SLC47A2: variants seen among roughly 807,000 people sequenced by gnomAD.
The protein encoded by SLC47A2 is solute carrier family 47 member 2, also known as multidrug and toxin extrusion protein 2.
A neutral mutation model predicts 67.7 loss-of-function variants in SLC47A2; 52 were observed. That is an observed-to-expected ratio of 0.77 (90% CI 0.61 to 0.97). The LOEUF is 0.97. SLC47A2 is among the 50% of genes least tolerant of loss of function. The pLI is 0.00. For missense variants in SLC47A2, 676 were observed against 712.3 expected, an observed-to-expected ratio of 0.95 and a Z score of 0.58; for synonymous variants, 278 against 292.9, an observed-to-expected ratio of 0.95 and a Z score of 0.52.
At chr17:19,704,702 G>A in intron 10 of SLC47A2, 1 of 1,549,630 alleles carries the variant, frequency 6.5e-7, no homozygotes, top group Non-Finnish European at 8.7e-7. Flanking sequence ...TCTCTGTGGG[G>A]AGTAGAGGGG....
In SLC47A2 at chr17:19,696,267, A is replaced by G. The variant is rs1482849883; in HGVS notation, c.1164+6338T>C. Among the ~76,000 whole-genome samples the G allele has an allele frequency of 2.1e-5, 3 of 146,312 alleles. No individual in the cohort carries two copies. In the Admixed American group the frequency reaches 2.1e-4, roughly 10 times the overall value. On this transcript the variant is annotated intron_variant, in intron 13 of 16. Transcript: ENST00000433844. ...GGAGATCAAGACCATCCTGGCCAACATGGTGAAACCCCATTTCTACTAAAA... is the reference window on the plus strand; with the variant it reads ...GGAGATCAAGACCATCCTGGCCAACGTGGTGAAACCCCATTTCTACTAAAA...
In SLC47A2 at chr17:19,716,411, C is replaced by T. The variant is rs149924161; in HGVS notation, c.123+22G>A. ...CTCAGCTTCCTCCACTCCCTACCTG[C>T]CCCCCAGCTCCTCCTCCTTACCAGG... On this transcript the variant is annotated intron_variant, in intron 1 of 16. Transcript: ENST00000433844. 1.1e-3 allele frequency: 1,777 copies of T among 1,598,228 alleles called. 39 individuals are homozygous for T. In the East Asian group the frequency reaches 0.036, roughly 33 times the overall value.
intron 5 of SLC47A2, among the ~76,000 whole-genome samples, chr17:19,711,243 C>T (rs898141081): frequency 2.0e-5 from 3 of 151,956 alleles, no homozygotes; most frequent in African/African-American, 7.3e-5. Context: ...CTAAAATAAG[C>T]GAAGAGCTAT....
rs1211081988 is a variant in SLC47A2 at position 19,702,684 on chromosome 17, A to C, written c.1095-10T>G. ...CAGGGCAATGACATCTCTGCAGAAGAAATGAGAAAGCATTAAGACACAGAT... is the reference window on the plus strand; with the variant it reads ...CAGGGCAATGACATCTCTGCAGAAGCAATGAGAAAGCATTAAGACACAGAT... On this transcript the variant is annotated splice_polypyrimidine_tract_variant and intron_variant, in intron 12 of 16. Transcript: ENST00000433844. 2 of 1,613,836 alleles carry C rather than the reference A, an allele frequency of 1.2e-6. No homozygotes were observed. Among genetic ancestry groups the C allele is most frequent in the East Asian group, 2.2e-5 (1 of 44,882 alleles).
chr17:19,707,701 C>T (rs950266162), intron 8 of SLC47A2, 45 bp downstream of exon 8: 3 of 1,521,620 alleles, frequency 2.0e-6, no homozygotes, highest in Non-Finnish European at 2.7e-6. Context: ...AGGGCAGCAC[C>T]ACCGCTGGCC....
At chr17:19,688,540 T>A (rs980363627) in intron 13 of SLC47A2, among the ~76,000 whole-genome samples, 1 of 152,322 alleles carries the variant, frequency 6.6e-6, no homozygotes, top group African/African-American at 2.4e-5. Flanking sequence ...TGCATCCAGA[T>A]TGAAAAGGAA....
intron 13 of SLC47A2, among the ~76,000 whole-genome samples, chr17:19,688,012 A>G (rs1004328390): frequency 9.8e-5 from 15 of 152,334 alleles, no homozygotes; most frequent in African/African-American, 2.2e-4. Context: ...TAAAGGAGGG[A>G]GGAATATTTC....
chr17:19,714,313 A>G, intron 3 of SLC47A2: 1 of 381,040 alleles, frequency 2.6e-6, no homozygotes, highest in African/African-American at 2.0e-5. Context: ...TTGTGACCCC[A>G]TGGCCACCTG....
At position 19,678,415 on chromosome 17, in the gene SLC47A2, C is replaced by T; in HGVS notation, c.*271G>A. The T allele has an allele frequency of 6.3e-6, 3 of 478,444 alleles. No homozygotes were observed. The highest frequency in any genetic ancestry group is 1.1e-5 in the Non-Finnish European group (3 of 265,458). 29.6% of individuals were successfully genotyped at this position (478,444 alleles called of 1,614,324 possible). A position where few individuals can be genotyped will look rare whatever the true frequency, so the allele number is the denominator to read the frequency against. The stretch of plus-strand genomic sequence containing the variant: ...TTACATTATTAATAATAGTGACAAT[C>T]CCTGGACTCTGACTCGTGCAGTTGG... On this transcript the variant is annotated 3_prime_UTR_variant, in exon 17 of 17. Transcript: ENST00000433844.
chr17:19,687,315 A>C (rs921169446), intron 13 of SLC47A2, among the ~76,000 whole-genome samples: 1 of 152,188 alleles, frequency 6.6e-6, no homozygotes. Context: ...TATAGGAATA[A>C]ACACCTACGT....
chr17:19,700,592 C>A (rs960334069), intron 13 of SLC47A2, among the ~76,000 whole-genome samples: 1 of 152,140 alleles, frequency 6.6e-6, no homozygotes, highest in Non-Finnish European at 1.5e-5. Context: ...AAGATTCCAT[C>A]TCTACAAAAC....
At chr17:19,714,106 C>T (rs754598058) in intron 3 of SLC47A2, 133 bp from the exon 4 acceptor site, 4 of 1,232,122 alleles carry the variant, frequency 3.2e-6, no homozygotes, top group South Asian at 1.6e-5. Context: ...CACAGCCTGG[C>T]GCCCGCAGCC....
chr17:19,712,676 C>T (rs1334861135), intron 5 of SLC47A2, 27 bp downstream of exon 5: 9 of 1,610,866 alleles, frequency 5.6e-6, no homozygotes, highest in East Asian at 2.2e-5. Flanking sequence ...GAATGTGATT[C>T]CACGCTCAGC....
chr17:19,718,046 C>G (rs1299335175), upstream of SLC47A2: 3 of 152,378 alleles, frequency 2.0e-5, no homozygotes, highest in Non-Finnish European at 4.4e-5. Flanking sequence ...GTATGTCTGA[C>G]TTCCCTCCTC....
chr17:19,703,061 C>T (rs771288632), intron 12 of SLC47A2, 31 bp downstream of exon 12: 5 of 1,602,806 alleles, frequency 3.1e-6, no homozygotes, highest in Non-Finnish European at 3.4e-6. Context: ...TGACATTTTC[C>T]AAGAGTCAGC....
intron 10 of SLC47A2, chr17:19,704,776 C>A: frequency 8.0e-7 from 1 of 1,253,374 alleles, no homozygotes; most frequent in Non-Finnish European, 1.1e-6. Flanking sequence ...CCAGCTCTGG[C>A]CGACTGCAGT....
At position 19,678,761 on chromosome 17, in the gene SLC47A2, A is replaced by G; in HGVS notation, c.1626T>C (p.Arg542=). The G allele has an allele frequency of 1.2e-6, 2 of 1,614,074 alleles. No homozygotes were observed. Among genetic ancestry groups the G allele is most frequent in the Non-Finnish European group, 1.7e-6 (2 of 1,180,026 alleles). The change falls in exon 17 of 17, where the codon CGT becomes CGC. Residue 542 remains arginine, a synonymous_variant. Transcript: ENST00000433844. ...CTGACGCCGCCCCCAGAGCAGCCCC[A>G]CGGCGGATGACCAGCTGTTTCACTG... The part of the protein sequence containing the change: ...RLSVKQLVIR[R]GAALGAASAT...
At position 19,680,984 on chromosome 17, in the gene SLC47A2, T is replaced by G. The variant is rs983479823; in HGVS notation, c.1392+383A>C. 3.9e-5 allele frequency among the ~76,000 whole-genome samples: 6 copies of G among 152,142 alleles called. No individual in the cohort carries two copies. The South Asian group carries it at 6.2e-4, about 16-fold the overall frequency. The stretch of plus-strand genomic sequence containing the variant: ...ATCCCAGCACTTTGGGAGGCCAAGG[T>G]GGGCGGATCACGAGGTCAGGAGATC... On this transcript the variant is annotated intron_variant, in intron 15 of 16. Transcript: ENST00000433844.
chr17:19,699,100 C>T (rs72841912), intron 13 of SLC47A2, among the ~76,000 whole-genome samples: 1,963 of 152,168 alleles, frequency 0.013, 18 homozygotes, highest in Non-Finnish European at 0.019. Flanking sequence ...CAAAAAAGAT[C>T]ACTGGAATGG....
Sources: gnomAD v4.1 joint callset for allele counts (sites outside exome capture counted in the v4.1 genomes callset) on GRCh38, gnomAD v4.1.1 for gene constraint, MANE v1.5 for transcripts, NCBI Gene and HGNC (gene_info 2026-07-23, HGNC 2026-07-21) for gene names.